STX8: variants seen among roughly 807,000 people sequenced by gnomAD.
The protein encoded by STX8 is syntaxin-8.
Under a neutral mutation model 37.5 loss-of-function variants are expected in STX8, and 23 were observed. The observed-to-expected ratio is 0.61, with a 90% CI of 0.44 to 0.87. STX8 has a LOEUF of 0.87. Ranked by LOEUF, STX8 falls within the 40% of genes least tolerant of loss-of-function variation. STX8 has a pLI of 0.00. For missense variants in STX8, 313 were observed against 284.7 expected (o/e 1.10, Z -0.71); for synonymous variants, 115 against 99.1 (o/e 1.16, Z -0.95).
At chr17:9,495,905 T>C (rs914641545) in intron 5 of STX8, among the ~76,000 whole-genome samples, 8 of 152,062 alleles carry the variant, frequency 5.3e-5, no homozygotes, top group African/African-American at 1.2e-4. Flanking sequence ...TCAAGAACCA[T>C]GCATGGGCAT....
intron 7 of STX8, among the ~76,000 whole-genome samples, chr17:9,293,396 G>A (rs1365066915): frequency 2.0e-5 from 3 of 151,972 alleles, no homozygotes; most frequent in Non-Finnish European, 4.4e-5. Flanking sequence ...TGCCTTACAC[G>A]GCTTCCTGGG....
At chr17:9,428,995 GC>G (rs1260728164) in intron 6 of STX8, among the ~76,000 whole-genome samples, 2 of 152,030 alleles carry the variant, frequency 1.3e-5, no homozygotes, top group African/African-American at 4.8e-5. Flanking sequence ...CAAGTTCATA[GC>G]CCCATATTTC....
intron 6 of STX8, among the ~76,000 whole-genome samples, chr17:9,441,739 G>A (rs182778394): frequency 2.4e-3 from 341 of 140,086 alleles, no homozygotes; most frequent in African/African-American, 8.4e-3. Flanking sequence ...GCAGTGGCGC[G>A]ATCTCAGCTC....
chr17:9,410,921 T>C (rs755124336), intron 6 of STX8, among the ~76,000 whole-genome samples: 17 of 152,178 alleles, frequency 1.1e-4, no homozygotes, highest in Non-Finnish European at 2.1e-4. Flanking sequence ...TCTCAACTCA[T>C]TTACTCAATG....
intron 6 of STX8, among the ~76,000 whole-genome samples, chr17:9,448,811 G>T (rs8077336): frequency 1.3e-5 from 2 of 152,114 alleles, no homozygotes; most frequent in Non-Finnish European, 2.9e-5. Context: ...CGCCACAAAT[G>T]AATGAGGACT....
At chr17:9,401,294 T>C (rs1912609715) in intron 6 of STX8, among the ~76,000 whole-genome samples, 1 of 152,214 alleles carries the variant, frequency 6.6e-6, no homozygotes, top group African/African-American at 2.4e-5. Context: ...CATAAACTTA[T>C]GTTATTTCTA....
At chr17:9,376,516 A>G (rs1022251659) in intron 7 of STX8, among the ~76,000 whole-genome samples, 18 of 152,356 alleles carry the variant, frequency 1.2e-4, no homozygotes, top group African/African-American at 4.1e-4. Flanking sequence ...GGCGGAGCCA[A>G]AGAGAGGAAT....
chr17:9,335,922 TG>T (rs149947196), intron 7 of STX8, among the ~76,000 whole-genome samples: 1 of 152,052 alleles, frequency 6.6e-6, no homozygotes, highest in African/African-American at 2.4e-5. Context: ...GGAACATTTC[TG>T]GGGGGTTATA....
At chr17:9,326,873 C>G (rs901139813) in intron 7 of STX8, among the ~76,000 whole-genome samples, 1 of 152,140 alleles carries the variant, frequency 6.6e-6, no homozygotes, top group Non-Finnish European at 1.5e-5. Flanking sequence ...AAATGAAGAT[C>G]TAATGGCTGG....
intron 7 of STX8, among the ~76,000 whole-genome samples, chr17:9,275,892 A>G (rs9900372): frequency 2.0e-5 from 3 of 151,824 alleles, no homozygotes; most frequent in Non-Finnish European, 1.5e-5. Context: ...AAGAAAAAAA[A>G]AAAGGGCGGG....
chr17:9,301,577 C>G (rs982731738), intron 7 of STX8, among the ~76,000 whole-genome samples: 64 of 151,314 alleles, frequency 4.2e-4, no homozygotes, highest in Non-Finnish European at 5.9e-4. Context: ...CCACCTCCCG[C>G]GTTCACGCCA....
intron 6 of STX8, among the ~76,000 whole-genome samples, chr17:9,430,424 C>T (rs1451931326): frequency 2.0e-5 from 3 of 151,018 alleles, no homozygotes; most frequent in Non-Finnish European, 4.4e-5. Flanking sequence ...TACTTTCTTT[C>T]TCTGTGAATT....
At chr17:9,544,433 G>A (rs934226197) in intron 4 of STX8, among the ~76,000 whole-genome samples, 1 of 151,988 alleles carries the variant, frequency 6.6e-6, no homozygotes, top group African/African-American at 2.4e-5. Context: ...ATGGGGAGGA[G>A]GATCCAACTC....
At chr17:9,324,112 TCTCTCTCTCTCTCTCACACA>T (rs1282221483) in intron 7 of STX8, among the ~76,000 whole-genome samples, 1 of 129,672 alleles carries the variant, frequency 7.7e-6, no homozygotes, top group Non-Finnish European at 1.6e-5. Flanking sequence ...TCTCTCTGTC[TCTCTCTCTCTCTCTCACACA>T]CACACACACA....
chr17:9,502,436 G>C (rs1362079570), intron 5 of STX8, among the ~76,000 whole-genome samples: 1 of 152,158 alleles, frequency 6.6e-6, no homozygotes, highest in Non-Finnish European at 1.5e-5. Flanking sequence ...TAGATTTTAA[G>C]TGTTCTCACC....
At chr17:9,343,129 G>C (rs1047148814) in intron 7 of STX8, among the ~76,000 whole-genome samples, 2 of 151,932 alleles carry the variant, frequency 1.3e-5, no homozygotes, top group Non-Finnish European at 2.9e-5. Flanking sequence ...TGCCCCAAGA[G>C]GATCTGGACC....
chr17:9,311,650 C>T, intron 7 of STX8, among the ~76,000 whole-genome samples: 1 of 152,178 alleles, frequency 6.6e-6, no homozygotes, highest in East Asian at 1.9e-4. Flanking sequence ...CCCAGTTCAA[C>T]CACTTACTAG....
chr17:9,546,085 T>C (rs1906496267), intron 3 of STX8, among the ~76,000 whole-genome samples: 1 of 152,184 alleles, frequency 6.6e-6, no homozygotes, highest in African/African-American at 2.4e-5. Flanking sequence ...TTAATATCTA[T>C]TAACACACCT....
chr17:9,280,759 A>C (rs967831788), intron 7 of STX8, among the ~76,000 whole-genome samples: 1 of 152,226 alleles, frequency 6.6e-6, no homozygotes, highest in African/African-American at 2.4e-5. Context: ...ATAAACATTT[A>C]ACTCAAATAG....
Sources: gnomAD v4.1 joint callset for allele counts (sites outside exome capture counted in the v4.1 genomes callset) on GRCh38, gnomAD v4.1.1 for gene constraint, MANE v1.5 for transcripts, NCBI Gene and HGNC (gene_info 2026-07-23, HGNC 2026-07-21) for gene names.